The following FOXP2 variants were observed in gnomAD, a reference collection of about 807,000 sequenced individuals.
FOXP2 encodes forkhead box P2, also known as forkhead box protein P2.
In FOXP2, 12 loss-of-function variants were observed where a neutral mutation model predicts 115.8. That is an observed-to-expected ratio of 0.10 (90% CI 0.07 to 0.17). The LOEUF is 0.17. Among genes scored for constraint, FOXP2 ranks in the 10% least tolerant of loss-of-function variants. The pLI, the probability that FOXP2 is intolerant of heterozygous loss-of-function variation, is 1.00. For synonymous variants in FOXP2, 328 were observed against 297.7 expected, an observed-to-expected ratio of 1.10 and a Z score of -1.05; for missense variants, 629 against 843.5, an observed-to-expected ratio of 0.75 and a Z score of 3.15.
At chr7:114,478,593 T>C (rs1796389593) in intron 2 of FOXP2, among the ~76,000 whole-genome samples, 1 of 151,826 alleles carries the variant, frequency 6.6e-6, no homozygotes, top group Non-Finnish European at 1.5e-5. Flanking sequence ...ATCATCCTGA[T>C]TCATGTGCTC....
intron 3 of FOXP2, among the ~76,000 whole-genome samples, chr7:114,570,240 G>T (rs182092895): frequency 6.6e-6 from 1 of 151,976 alleles, no homozygotes; most frequent in East Asian, 1.9e-4. Context: ...TATTATGGAG[G>T]TTGGTTGCAT....
At chr7:114,498,255 CTG>C (rs945194214) in intron 2 of FOXP2, among the ~76,000 whole-genome samples, 3 of 152,088 alleles carry the variant, frequency 2.0e-5, no homozygotes, top group African/African-American at 7.2e-5. Context: ...ATTTCATTTA[CTG>C]TGTTTAGTTT....
intron 2 of FOXP2, among the ~76,000 whole-genome samples, chr7:114,502,576 C>G (rs1210769018): frequency 6.6e-6 from 1 of 151,980 alleles, no homozygotes; most frequent in African/African-American, 2.4e-5. Flanking sequence ...GCACAGATCC[C>G]CAAAGTGGAG....
intron 3 of FOXP2, among the ~76,000 whole-genome samples, chr7:114,585,837 C>T (rs1168060514): frequency 6.6e-6 from 1 of 152,020 alleles, no homozygotes; most frequent in East Asian, 1.9e-4. Flanking sequence ...TAACATGCTA[C>T]AAGATAGTGT....
intron 2 of FOXP2, among the ~76,000 whole-genome samples, chr7:114,527,402 G>T (rs73429339): frequency 6.6e-6 from 1 of 151,530 alleles, no homozygotes; most frequent in Non-Finnish European, 1.5e-5. Context: ...TTACTGTGCC[G>T]TCCTCACAAT....
chr7:114,350,857 C>T lies in FOXP2; in HGVS notation c.-11+62748C>T, dbSNP rs577401546. 2.0e-5 allele frequency among the ~76,000 whole-genome samples: 3 copies of T among 152,202 alleles called. No homozygotes were observed. In the South Asian group the frequency reaches 6.2e-4, roughly 32 times the overall value. On this transcript the variant is annotated intron_variant, in intron 2 of 17. Coordinates refer to the FOXP2 transcript ENST00000634411. ...CTTAGTTCAAAGACTCCCTCACATCCCTGCAAATACCAAAATCCAGGGATG... is the reference window on the plus strand; with the variant it reads ...CTTAGTTCAAAGACTCCCTCACATCTCTGCAAATACCAAAATCCAGGGATG...
intron 2 of FOXP2, among the ~76,000 whole-genome samples, chr7:114,352,240 C>T (rs1442474264): frequency 6.6e-6 from 1 of 151,802 alleles, no homozygotes; most frequent in East Asian, 1.9e-4. Flanking sequence ...GCAGTCCAGC[C>T]TGGGCAACAG....
At chr7:114,656,582 A>G (rs1301631807) in intron 10 of FOXP2, 4 of 417,734 alleles carry the variant, frequency 9.6e-6, no homozygotes, top group Non-Finnish European at 1.9e-5. Context: ...GCATTATCTC[A>G]GCTTTCATTT....
At chr7:114,658,003 AC>A in intron 10 of FOXP2, 62 bp from the exon 11 acceptor site, 3 of 1,588,090 alleles carry the variant, frequency 1.9e-6, no homozygotes, top group Non-Finnish European at 2.6e-6. Flanking sequence ...CATTTGTCAA[AC>A]CTTTTTAAGT....
intron 2 of FOXP2, among the ~76,000 whole-genome samples, chr7:114,329,550 T>C (rs998335876): frequency 2.0e-5 from 3 of 150,622 alleles, no homozygotes; most frequent in African/African-American, 2.4e-5. Context: ...AAAAAGGAAA[T>C]TGTGTTATCT....
intron 1 of FOXP2, among the ~76,000 whole-genome samples, chr7:114,207,363 T>C (rs1794225562): frequency 6.6e-6 from 1 of 152,230 alleles, no homozygotes; most frequent in Admixed American, 6.5e-5. Context: ...ATGGCCAAAC[T>C]GTTTTCAAAG....
intron 1 of FOXP2, among the ~76,000 whole-genome samples, chr7:114,235,859 T>C (rs1186199558): frequency 6.6e-6 from 1 of 152,242 alleles, no homozygotes; most frequent in African/African-American, 2.4e-5. Context: ...CTTATCACTA[T>C]ACGGAGAAAT....
intron 2 of FOXP2, among the ~76,000 whole-genome samples, chr7:114,446,232 G>A (rs965698804): frequency 6.6e-6 from 1 of 151,914 alleles, no homozygotes; most frequent in Non-Finnish European, 1.5e-5. Flanking sequence ...AGCAAGTTTA[G>A]GAATGTCGTT....
At chr7:114,462,277 G>GAAAA (rs766244858) in intron 2 of FOXP2, among the ~76,000 whole-genome samples, 5 of 20,796 alleles carry the variant, frequency 2.4e-4, no homozygotes, top group African/African-American at 3.0e-4. Context: ...GAGACTCCGT[G>GAAAA]AAAAAAAAAA....
intron 1 of FOXP2, among the ~76,000 whole-genome samples, chr7:114,199,805 C>A (rs2129159307): frequency 6.6e-6 from 1 of 151,404 alleles, no homozygotes; most frequent in Middle Eastern, 3.4e-3. Context: ...AAACATACCA[C>A]CGAGTAAATA....
intron 2 of FOXP2, among the ~76,000 whole-genome samples, chr7:114,523,421 C>CT (rs908447509): frequency 2.6e-5 from 4 of 152,166 alleles, no homozygotes; most frequent in African/African-American, 9.6e-5. Flanking sequence ...CTTTCCTCCC[C>CT]TGGTTCCAGC....
intron 16 of FOXP2, among the ~76,000 whole-genome samples, chr7:114,677,738 G>A (rs948784086): frequency 4.6e-5 from 7 of 152,172 alleles, no homozygotes. Flanking sequence ...TCCTCTGTTT[G>A]TGTTTTTGGA....
At position 114,248,425 on chromosome 7, in the gene FOXP2, T is replaced by C. The variant is rs749451259; in HGVS notation, c.-101-39594T>C. ...CTCATGGCCCAGTCAAGTTGACACT[T>C]AGAAAAATTTACCATCACAATGAGA... On this transcript the variant is annotated intron_variant, in intron 1 of 17. Transcript: ENST00000634411. Among the ~76,000 whole-genome samples, 90 of 152,100 alleles carry C rather than the reference T, an allele frequency of 5.9e-4. 1 individual carries two copies. The highest frequency in any genetic ancestry group is 2.6e-4 in the Admixed American group (4 of 15,264).
chr7:114,087,796 G>T (rs1799453561), exon 1 of FOXP2: 1 of 152,084 alleles, frequency 6.6e-6, no homozygotes, highest in Non-Finnish European at 1.5e-5. Context: ...AGAGCAGGGA[G>T]GAAAAGTTAC....
Sources: gnomAD v4.1 joint callset for allele counts (sites outside exome capture counted in the v4.1 genomes callset) on GRCh38, gnomAD v4.1.1 for gene constraint, MANE v1.5 for transcripts, NCBI Gene and HGNC (gene_info 2026-07-23, HGNC 2026-07-21) for gene names.